The following FAM149A variants were observed in gnomAD, a reference collection of about 807,000 sequenced individuals.
FAM149A encodes family with sequence similarity 149 member A.
FAM149A carries 71 observed loss-of-function variants against 78.2 expected under a neutral mutation model. The ratio of observed to expected loss-of-function variants is 0.91; its 90% CI spans 0.75 to 1.11. FAM149A has a LOEUF of 1.11. Among genes scored for constraint, FAM149A ranks in the 50% least tolerant of loss-of-function variants. The pLI is 0.00. For synonymous variants in FAM149A, 446 were observed against 410.5 expected, an observed-to-expected ratio of 1.09 and a Z score of -1.04; for missense variants, 1,036 against 971.0, an observed-to-expected ratio of 1.07 and a Z score of -0.89.
Position 186,171,948 on chromosome 4 carries a change from A to C in FAM149A, c.2253A>C (p.Thr751=), listed in dbSNP as rs769994408. Reference sequence around the variant, plus strand: ...ATGTGCCTAAATCTTTTCAGAGGACAACTTTGACTTTCAAGAGGAGATTCC... The same window carrying C: ...ATGTGCCTAAATCTTTTCAGAGGACCACTTTGACTTTCAAGAGGAGATTCC... Residue 751 remains threonine, a synonymous_variant, in exon 14 of 14, where the codon ACA becomes ACC. Transcript: ENST00000389354. 3 of 1,612,612 alleles carry C rather than the reference A, an allele frequency of 1.9e-6. No individual in the cohort carries two copies. The highest frequency in any genetic ancestry group is 2.5e-6 in the Non-Finnish European group (3 of 1,179,356).
At chr4:186,168,696 A>G (rs751340621) in intron 13 of FAM149A, among the ~76,000 whole-genome samples, 2 of 152,184 alleles carry the variant, frequency 1.3e-5, no homozygotes, top group Non-Finnish European at 1.5e-5. Flanking sequence ...CTTGGGGGGA[A>G]GTAGGCGCCC....
chr4:186,153,193 G>A (rs972958085), intron 4 of FAM149A: 2 of 906,266 alleles, frequency 2.2e-6, no homozygotes, highest in Non-Finnish European at 2.6e-6. Context: ...GATAGAAATG[G>A]AGGGAAGGTG....
rs140629748 is a variant in FAM149A, at chr4:186,152,388, G to A, written c.932+343G>A. ...GTCTGTCTTCATCACAGAACACAGCGAGGGTGGGCAGAGATGATTTGCTGA... is the reference window on the plus strand; with the variant it reads ...GTCTGTCTTCATCACAGAACACAGCAAGGGTGGGCAGAGATGATTTGCTGA... On this transcript the variant is annotated intron_variant, in intron 4 of 13. Coordinates refer to ENST00000389354, the MANE Select transcript of FAM149A (RefSeq NM_001367768.3). 6.6e-5 allele frequency among the ~76,000 whole-genome samples: 10 copies of A among 152,294 alleles called. No homozygotes were observed. In the East Asian group the frequency reaches 1.4e-3, roughly 21 times the overall value.
chr4:186,146,115 ACT>A (rs952105119), intron 1 of FAM149A, among the ~76,000 whole-genome samples: 31 of 151,968 alleles, frequency 2.0e-4, no homozygotes, highest in African/African-American at 7.5e-4. Flanking sequence ...CCTCGAAGAA[ACT>A]CTGTCCCTAT....
At chr4:186,131,556 G>A (rs1396473721) in intron 1 of FAM149A, among the ~76,000 whole-genome samples, 4 of 152,182 alleles carry the variant, frequency 2.6e-5, no homozygotes, top group Non-Finnish European at 5.9e-5. Context: ...TGCCCAGTCT[G>A]TGGTGTCTTG....
chr4:186,127,116 AGAAGG>A, intron 1 of FAM149A: 12 of 985,388 alleles, frequency 1.2e-5, no homozygotes, highest in Non-Finnish European at 1.3e-5. Flanking sequence ...CCTGCCAGGC[AGAAGG>A]TGCTGGAGCT....
rs1734955553 is a variant in FAM149A, at chr4:186,165,442, T to A, written c.1988T>A (p.Val663Asp). The change falls in exon 11 of 14, where the codon GTT (valine) becomes GAT (aspartate). Residue 663 changes from valine (V) to aspartate (D), a missense_variant. Physicochemically the swap from Val to Asp is radical, Grantham distance 152. Around this residue, in one of 3 missense-constraint regions of FAM149A, gnomAD observed 716 missense variants for 711.8 expected, o/e 1.01. Coordinates refer to ENST00000389354, the MANE Select transcript of FAM149A (RefSeq NM_001367768.3). ...GAGACCAGGGGGCAGAATACAGCAG[T>A]TCCTGGATGCCGCCTTGTTTCTGTA... 2 of 1,614,168 alleles carry A rather than the reference T, an allele frequency of 1.2e-6. No homozygotes were observed. The highest frequency in any genetic ancestry group is 1.7e-6 in the Non-Finnish European group (2 of 1,180,002).
chr4:186,129,099 GTCTC>G (rs1421170441), intron 1 of FAM149A, among the ~76,000 whole-genome samples: 2 of 151,386 alleles, frequency 1.3e-5, no homozygotes, highest in South Asian at 2.1e-4. Flanking sequence ...ATGGGTGTGT[GTCTC>G]TCTGTGTCTG....
chr4:186,141,175 C>T (rs1019932830), intron 1 of FAM149A, among the ~76,000 whole-genome samples: 2 of 152,100 alleles, frequency 1.3e-5, no homozygotes, highest in African/African-American at 4.8e-5. Context: ...GTCCTCTGCC[C>T]ACTTGTTTAT....
At chr4:186,117,558 G>A (rs2099314264) in intron 1 of FAM149A, 1 of 985,432 alleles carries the variant, frequency 1.0e-6, no homozygotes, top group African/African-American at 1.7e-5. Context: ...GCTTGGGAGG[G>A]CACTGTCGGA....
chr4:186,116,790 T>C (rs368225963), intron 1 of FAM149A: 4 of 981,000 alleles, frequency 4.1e-6, no homozygotes, highest in Non-Finnish European at 4.8e-6. Flanking sequence ...TTTTTTGCTG[T>C]GTGTTTAAAG....
rs116733813 is a variant in FAM149A at position 186,157,936 on chromosome 4, A to G, written c.1575+217A>G. 9.0e-4 allele frequency: 1,380 copies of G among 1,529,360 alleles called. 14 individuals carry two copies. In the African/African-American group the frequency reaches 0.017, roughly 18 times the overall value. The allele number at this position is 1,529,360 out of a possible 1,614,324, so 94.7% of individuals were successfully genotyped here. ...GACGTCCTGCCTATGAAGGACGAGGATGTGCTCAAGTTCCTTGCGGTAGGA... is the reference window on the plus strand; with the variant it reads ...GACGTCCTGCCTATGAAGGACGAGGGTGTGCTCAAGTTCCTTGCGGTAGGA... On this transcript the variant is annotated intron_variant, in intron 8 of 13. Transcript: ENST00000389354.
At chr4:186,170,133 T>C (rs1206262551) in intron 13 of FAM149A, among the ~76,000 whole-genome samples, 1 of 152,190 alleles carries the variant, frequency 6.6e-6, no homozygotes, top group African/African-American at 2.4e-5. Flanking sequence ...TCCATGCAGC[T>C]CGGCAGGGCC....
chr4:186,120,542 C>A (rs2099315532), intron 1 of FAM149A, among the ~76,000 whole-genome samples: 1 of 151,902 alleles, frequency 6.6e-6, no homozygotes, highest in Non-Finnish European at 1.5e-5. Context: ...ACCTGTAATC[C>A]CAGCACTTTG....
At chr4:186,165,249 G>A (rs1001608676) in intron 10 of FAM149A, 95 bp from the exon 11 acceptor site, 27 of 1,400,698 alleles carry the variant, frequency 1.9e-5, no homozygotes, top group East Asian at 4.6e-5. Context: ...TGCCCCTCAC[G>A]CAGAAACATT....
At chr4:186,149,858 G>A (rs1336529389) in intron 3 of FAM149A, among the ~76,000 whole-genome samples, 154 bp downstream of exon 3, 1 of 152,158 alleles carries the variant, frequency 6.6e-6, no homozygotes, top group Non-Finnish European at 1.5e-5. Context: ...TGTTACATGT[G>A]AAAATAATAG....
chr4:186,149,613 G>T lies in FAM149A; in HGVS notation c.698G>T (p.Gly233Val). 1 of 1,289,880 alleles carries T rather than the reference G, an allele frequency of 7.8e-7. No individual in the cohort carries two copies. 79.9% of individuals were successfully genotyped at this position (1,289,880 alleles called of 1,614,324 possible). ...TCCAGCGGAAGCCATACACCCACGG[G>T]AGCCCACACCTCTTGGTCTGGGTCG... Residue 233 changes from glycine (G) to valine (V), a missense_variant, in exon 3 of 14, where the codon GGA becomes GTA. Around this residue, in one of 3 missense-constraint regions of FAM149A, gnomAD observed 716 missense variants for 711.8 expected, o/e 1.01. Transcript: ENST00000389354.
chr4:186,149,017 T>TGG, intron 1 of FAM149A, 156 bp from the exon 2 acceptor site: 1 of 159,918 alleles, frequency 6.3e-6, no homozygotes, highest in East Asian at 1.9e-4. Flanking sequence ...TGTGTGTGTG[T>TGG]GTGTGTGTGT....
At chr4:186,162,997 A>AGTGTTTGC in intron 9 of FAM149A, 49 bp downstream of exon 9, 4 of 1,076,674 alleles carry the variant, frequency 3.7e-6, no homozygotes, top group South Asian at 2.6e-5. Context: ...CCTGTGCTGC[A>AGTGTTTGC]AACACTGGAG....
Sources: gnomAD v4.1 joint callset for allele counts (sites outside exome capture counted in the v4.1 genomes callset) on GRCh38, gnomAD v4.1.1 for gene constraint, gnomAD v4.1.1 regional missense constraint, MANE v1.5 for transcripts, NCBI Gene and HGNC (gene_info 2026-07-23, HGNC 2026-07-21) for gene names.